Variants in CNTN4 observed in about 807,000 individuals in gnomAD.
CNTN4 encodes the protein contactin-4.
In CNTN4, 77 loss-of-function variants were observed where a neutral mutation model predicts 122.5. The observed-to-expected ratio is 0.63, with a 90% confidence interval of 0.52 to 0.76. The LOEUF is 0.76. Among genes scored for constraint, CNTN4 ranks in the 30% least tolerant of loss-of-function variants. CNTN4 has a pLI of 0.00. For missense variants in CNTN4, 1,256 were observed against 1,259.1 expected (o/e 1.00, Z 0.04); for synonymous variants, 512 against 447.0 (o/e 1.15, Z -1.83).
chr3:2,105,003 G>T (rs537770528), intron 2 of CNTN4, among the ~76,000 whole-genome samples: 8 of 152,170 alleles, frequency 5.3e-5, no homozygotes, highest in Middle Eastern at 3.2e-3. Flanking sequence ...GTCTTGTCGG[G>T]AAGAGCATTG....
At chr3:2,511,045 G>C (rs2076871817) in intron 3 of CNTN4, among the ~76,000 whole-genome samples, 1 of 152,092 alleles carries the variant, frequency 6.6e-6, no homozygotes. Context: ...GACTGACTCT[G>C]AAAAGAACAT....
At chr3:2,137,837 AC>A (rs1181065843) in intron 2 of CNTN4, among the ~76,000 whole-genome samples, 1 of 152,066 alleles carries the variant, frequency 6.6e-6, no homozygotes, top group Non-Finnish European at 1.5e-5. Flanking sequence ...GCCCTACCCC[AC>A]CCCTACTGCA....
At chr3:2,520,940 A>C (rs2077189503) in intron 3 of CNTN4, among the ~76,000 whole-genome samples, 1 of 152,150 alleles carries the variant, frequency 6.6e-6, no homozygotes, top group African/African-American at 2.4e-5. Flanking sequence ...TCAGAGATAG[A>C]AAATGAACAA....
chr3:2,862,425 C>A (rs1369632287), intron 7 of CNTN4, among the ~76,000 whole-genome samples: 1 of 152,148 alleles, frequency 6.6e-6, no homozygotes, highest in African/African-American at 2.4e-5. Context: ...GAGTTAATTT[C>A]CAATAGATTT....
intron 12 of CNTN4, among the ~76,000 whole-genome samples, chr3:2,911,316 A>C (rs973111731): frequency 2.6e-5 from 4 of 152,340 alleles, no homozygotes; most frequent in African/African-American, 7.2e-5. Flanking sequence ...ACAGTACCTG[A>C]TAAAGACACC....
chr3:2,676,494 T>A (rs1344223452), intron 4 of CNTN4, among the ~76,000 whole-genome samples: 1 of 152,180 alleles, frequency 6.6e-6, no homozygotes, highest in Non-Finnish European at 1.5e-5. Context: ...ATTGCTGGGA[T>A]TACAGGCGTG....
At chr3:2,711,282 T>A (rs2600295) in intron 4 of CNTN4, among the ~76,000 whole-genome samples, 8,950 of 152,224 alleles carry the variant, frequency 0.059, 674 homozygotes, top group African/African-American at 0.18. Context: ...GCCTGGGTAA[T>A]CTCACACAGT....
At chr3:2,966,382 G>C (rs1420650238) in intron 13 of CNTN4, among the ~76,000 whole-genome samples, 2 of 152,068 alleles carry the variant, frequency 1.3e-5, no homozygotes, top group Non-Finnish European at 2.9e-5. Flanking sequence ...TTCAGGCACT[G>C]AAAGACAAAT....
intron 4 of CNTN4, among the ~76,000 whole-genome samples, chr3:2,698,035 C>A (rs2086145312): frequency 6.6e-6 from 1 of 152,160 alleles, no homozygotes. Context: ...GTACGATAGC[C>A]AAGCCAAGTT....
At chr3:2,627,434 A>G (rs145374019) in intron 4 of CNTN4, among the ~76,000 whole-genome samples, 2,926 of 151,126 alleles carry the variant, frequency 0.019, 69 homozygotes, top group African/African-American at 0.068. Context: ...GTAGCAGTAA[A>G]CTTTGTTTAC....
At chr3:2,142,412 T>C (rs2035037593) in intron 2 of CNTN4, among the ~76,000 whole-genome samples, 5 of 152,024 alleles carry the variant, frequency 3.3e-5, no homozygotes, top group Admixed American at 3.3e-4. Context: ...TCGCCCAGGC[T>C]GGAGTGCAAT....
chr3:2,840,423 C>CA (rs2093329246), intron 7 of CNTN4, among the ~76,000 whole-genome samples: 1 of 151,542 alleles, frequency 6.6e-6, no homozygotes, highest in South Asian at 2.1e-4. Flanking sequence ...AAGCTGGGGC[C>CA]GGCGCGGTGG....
Position 2,735,119 on chromosome 3 carries a change from G to A in CNTN4, c.56-1096G>A, listed in dbSNP as rs116765260. Among the ~76,000 whole-genome samples the A allele has an allele frequency of 6.5e-3, 992 of 152,120 alleles. 15 individuals are homozygous for A. Among genetic ancestry groups the A allele is most frequent in the African/African-American group, 0.022 (928 of 41,474 alleles). ...TCAAAGAGCTTATAATCCAAACAAG[G>A]GAAAATAAAGTGTACTCTATGTTAG... On this transcript the variant is annotated intron_variant, in intron 4 of 24. Coordinates refer to ENST00000418658, the MANE Select transcript of CNTN4 (RefSeq NM_175607.3).
At chr3:2,652,294 C>T (rs2083398108) in intron 4 of CNTN4, among the ~76,000 whole-genome samples, 1 of 152,022 alleles carries the variant, frequency 6.6e-6, no homozygotes, top group Non-Finnish European at 1.5e-5. Flanking sequence ...ATCCCAATTA[C>T]ACATTCACTT....
At chr3:2,742,043 T>C (rs1334214026) in intron 5 of CNTN4, among the ~76,000 whole-genome samples, 3 of 152,198 alleles carry the variant, frequency 2.0e-5, no homozygotes, top group Admixed American at 6.5e-5. Flanking sequence ...ATTCCTCTTG[T>C]TGAAAGAAAG....
chr3:2,196,378 AAAGTATAATC>A (rs2037832395), intron 2 of CNTN4, among the ~76,000 whole-genome samples: 1 of 152,164 alleles, frequency 6.6e-6, no homozygotes, highest in Non-Finnish European at 1.5e-5. Context: ...TCTTTTACTT[AAAGTATAATC>A]TGAGAACATA....
chr3:2,300,718 C>T (rs777697425), intron 2 of CNTN4, among the ~76,000 whole-genome samples: 6 of 151,534 alleles, frequency 4.0e-5, no homozygotes, highest in Non-Finnish European at 5.9e-5. Context: ...ATCACAGGCG[C>T]GCGCCACCAT....
chr3:2,999,262 A>G (rs1013119532), intron 14 of CNTN4: 2 of 152,210 alleles, frequency 1.3e-5, no homozygotes, highest in African/African-American at 2.4e-5. Context: ...ATATGTTTCT[A>G]TCTCCTGCTC....
intron 2 of CNTN4, among the ~76,000 whole-genome samples, chr3:2,103,694 A>G (rs908944416): frequency 6.6e-6 from 1 of 151,338 alleles, no homozygotes; most frequent in Non-Finnish European, 1.5e-5. Context: ...TTCTTTTCCT[A>G]TGAGCTTTGC....
Sources: allele counts gnomAD v4.1 joint callset (sites outside exome capture counted in the v4.1 genomes callset), GRCh38; gene constraint gnomAD v4.1.1; transcripts MANE v1.5; gene names NCBI Gene and HGNC (gene_info 2026-07-23, HGNC 2026-07-21).